The following ALS2 variants were observed in gnomAD, a reference collection of about 807,000 sequenced individuals.
ALS2 encodes the protein alsin.
In ALS2, 117 loss-of-function variants were observed where a neutral mutation model predicts 203.4. The ratio of observed to expected loss-of-function variants is 0.58; its 90% CI spans 0.50 to 0.67. The LOEUF (loss-of-function observed/expected upper bound fraction) is 0.67, where lower values mean the gene tolerates loss of function less well. ALS2 is among the 30% of genes least tolerant of loss of function. ALS2 has a pLI of 0.00. For synonymous variants in ALS2, 718 were observed against 725.9 expected, an observed-to-expected ratio of 0.99 and a Z score of 0.17; for missense variants, 1,715 against 1,989.4, an observed-to-expected ratio of 0.86 and a Z score of 2.62.
intron 7 of ALS2, 71 bp downstream of exon 7, chr2:201,753,075 A>G (rs1693162678): frequency 8.3e-7 from 1 of 1,202,662 alleles, no homozygotes; most frequent in African/African-American, 1.5e-5. Flanking sequence ...TAATCAACAA[A>G]TGAGGGTCCA....
In ALS2 at chr2:201,744,506, T is replaced by G. The variant is rs899291445; in HGVS notation, c.1999-77A>C. On this transcript the variant is annotated intron_variant, in intron 9 of 33. Transcript: ENST00000264276. ...AATTTGGTATACTGAAGCTGGCTTA[T>G]ATCAGCTGACAAGAGCTAACTGTTA... 1.1e-5 allele frequency: 15 copies of G among 1,423,236 alleles called. No individual in the cohort carries two copies. The African/African-American group carries it at 2.1e-4, about 20-fold the overall frequency. The allele number at this position is 1,423,236 out of a possible 1,614,324, so 88.2% of individuals were successfully genotyped here. A position where few individuals can be genotyped will look rare whatever the true frequency, so the allele number is the denominator to read the frequency against.
Position 201,733,300 on chromosome 2 carries a change from T to C in ALS2, c.2556A>G (p.Leu852=), listed in dbSNP as rs372827696. The part of the protein sequence containing the change: ...RRLHNYAKVL[L]KLATCFEVAS... ...CCACTTCAAAACAAGTAGCAAGCTT[T>C]AGCAAAACTTTTGCGTAATTATGAA... Residue 852 remains leucine, a synonymous_variant, in exon 13 of 34, where the codon CTA becomes CTG. Transcript: ENST00000264276. 4 of 1,613,762 alleles carry C rather than the reference T, an allele frequency of 2.5e-6. No homozygotes were observed. The highest frequency in any genetic ancestry group is 1.7e-5 in the Admixed American group (1 of 59,996).
chr2:201,703,099 G>C (rs1463760986), intron 33 of ALS2, among the ~76,000 whole-genome samples: 5 of 152,194 alleles, frequency 3.3e-5, no homozygotes, highest in Non-Finnish European at 7.3e-5. Flanking sequence ...CTGGGCGACA[G>C]AGTGAGACTC....
At chr2:201,714,540 G>A (rs1690245864) in intron 25 of ALS2, among the ~76,000 whole-genome samples, 1 of 152,212 alleles carries the variant, frequency 6.6e-6, no homozygotes, top group South Asian at 2.1e-4. Context: ...TCCCTACCAT[G>A]TTGCTGTAAT....
chr2:201,760,825 A>G, intron 4 of ALS2, 56 bp downstream of exon 4: 1 of 1,534,032 alleles, frequency 6.5e-7, no homozygotes, highest in Non-Finnish European at 8.8e-7. Flanking sequence ...TTCTAAAGAA[A>G]AGCCCATACA....
chr2:201,776,288 T>C (rs912720026), intron 1 of ALS2, among the ~76,000 whole-genome samples: 3 of 152,178 alleles, frequency 2.0e-5, no homozygotes, highest in African/African-American at 7.2e-5. Flanking sequence ...CTTTTTTTAA[T>C]GCCTTGCTAA....
Position 201,744,509 on chromosome 2 carries a change from C to A in ALS2, c.1999-80G>T, listed in dbSNP as rs937534063. 9 of 1,407,124 alleles carry A rather than the reference C, an allele frequency of 6.4e-6. No individual in the cohort carries two copies. The African/African-American group carries it at 1.1e-4, about 18-fold the overall frequency. 87.2% of individuals were successfully genotyped at this position (1,407,124 alleles called of 1,614,324 possible). A position where few individuals can be genotyped will look rare whatever the true frequency, so the allele number is the denominator to read the frequency against. On this transcript the variant is annotated intron_variant, in intron 9 of 33. Coordinates refer to ENST00000264276, the MANE Select transcript of ALS2 (RefSeq NM_020919.4). ...TTGGTATACTGAAGCTGGCTTATAT[C>A]AGCTGACAAGAGCTAACTGTTAAAT...
intron 1 of ALS2, among the ~76,000 whole-genome samples, chr2:201,772,526 C>A (rs1694443573): frequency 6.6e-6 from 1 of 152,066 alleles, no homozygotes; most frequent in African/African-American, 2.4e-5. Flanking sequence ...ATTCATACAT[C>A]GTGTTGTAGA....
At chr2:201,753,093 C>T in intron 7 of ALS2, 53 bp downstream of exon 7, 1 of 1,374,196 alleles carries the variant, frequency 7.3e-7, no homozygotes, top group Non-Finnish European at 1.0e-6. Context: ...CCAACAATGT[C>T]ATGTTGGCCT....
At chr2:201,714,306 C>T (rs1690228762) in intron 25 of ALS2, among the ~76,000 whole-genome samples, 1 of 152,182 alleles carries the variant, frequency 6.6e-6, no homozygotes, top group Non-Finnish European at 1.5e-5. Context: ...TGGCAACTGC[C>T]AAGCACAGGG....
chr2:201,712,325 T>C (rs1477666761), intron 25 of ALS2, among the ~76,000 whole-genome samples: 1 of 152,152 alleles, frequency 6.6e-6, no homozygotes, highest in Non-Finnish European at 1.5e-5. Flanking sequence ...TAACTATACT[T>C]TAGTATATTA....
At chr2:201,708,162 A>G (rs1254321506) in intron 27 of ALS2, among the ~76,000 whole-genome samples, 171 bp from the exon 28 acceptor site, 1 of 152,216 alleles carries the variant, frequency 6.6e-6, no homozygotes, top group Admixed American at 6.5e-5. Context: ...GCAGCTAATG[A>G]ATAATACCAC....
chr2:201,747,456 C>A (rs145188134), intron 8 of ALS2, among the ~76,000 whole-genome samples: 2 of 132,466 alleles, frequency 1.5e-5, no homozygotes, highest in African/African-American at 5.2e-5. Context: ...GTCCAGCACT[C>A]GGTCGCTTTT....
Position 201,718,111 on chromosome 2 carries a change from G to GA in ALS2, c.3801dup (p.Leu1268SerfsTer3), listed in dbSNP as rs1354397816. ...GGTCTGTCTTTATCACTCTCATATAGACTAGGTTTGAAGTAGGTTCCAGTG... is the reference window on the plus strand; with the variant it reads ...GGTCTGTCTTTATCACTCTCATATAGAACTAGGTTTGAAGTAGGTTCCAGTG... On this transcript the variant is annotated frameshift_variant, in exon 24 of 34. Transcript: ENST00000264276. LOFTEE classifies it high-confidence loss of function. 1 of 1,613,550 alleles carries GA rather than the reference G, an allele frequency of 6.2e-7. No individual in the cohort carries two copies.
chr2:201,705,552 T>C (rs1689657807), intron 29 of ALS2, 91 bp from the exon 30 acceptor site: 6 of 971,610 alleles, frequency 6.2e-6, no homozygotes, highest in Non-Finnish European at 8.1e-6. Flanking sequence ...TTGGCTTCCT[T>C]GTCCCCATTA....
chr2:201,706,858 A>C lies in ALS2; in HGVS notation c.4568T>G (p.Leu1523Arg). The part of the protein sequence containing the change: ...KQPDIALLGF[L>R]GVQRKFWPAT... The stretch of plus-strand genomic sequence containing the variant: ...CTACTACACTTACCTCTGCACCCCA[A>C]GAAAGCCCAGGAGAGCAATATCTGG... The change falls in exon 29 of 34, where the codon CTT becomes CGT. Residue 1523 changes from leucine to arginine, a missense_variant. Around this residue, in one of 3 missense-constraint regions of ALS2, gnomAD observed 1,227 missense variants for 1,413.5 expected, o/e 0.87. Transcript: ENST00000264276. The C allele has an allele frequency of 6.2e-7, 1 of 1,614,090 alleles. No individual in the cohort carries two copies. Among genetic ancestry groups the C allele is most frequent in the East Asian group, 2.2e-5 (1 of 44,880 alleles).
chr2:201,771,681 T>A (rs1301437441), intron 1 of ALS2, among the ~76,000 whole-genome samples: 1 of 152,254 alleles, frequency 6.6e-6, no homozygotes, highest in Non-Finnish European at 1.5e-5. Context: ...AAGACTCACC[T>A]CAACCAGTCA....
chr2:201,770,350 G>C (rs180832146), intron 1 of ALS2, among the ~76,000 whole-genome samples: 1 of 152,244 alleles, frequency 6.6e-6, no homozygotes, highest in Non-Finnish European at 1.5e-5. Context: ...TTGATAAAAT[G>C]AATAAAGTCA....
chr2:201,773,520 A>C (rs1275479514), intron 1 of ALS2, among the ~76,000 whole-genome samples: 1 of 152,160 alleles, frequency 6.6e-6, no homozygotes, highest in Non-Finnish European at 1.5e-5. Flanking sequence ...AGAGTGAGGG[A>C]GATACGATTC....
Sources: allele counts gnomAD v4.1 joint callset (sites outside exome capture counted in the v4.1 genomes callset), GRCh38; gene constraint gnomAD v4.1.1; regional missense constraint gnomAD v4.1.1; transcripts MANE v1.5; gene names NCBI Gene and HGNC (gene_info 2026-07-23, HGNC 2026-07-21).